The following EIF4G1 variants were observed in gnomAD, a reference collection of about 807,000 sequenced individuals.
EIF4G1 encodes eukaryotic translation initiation factor 4 gamma 1.
In EIF4G1, 4 loss-of-function variants were observed where a neutral mutation model predicts 187.8. The observed-to-expected ratio is 0.02, with a 90% CI of 0.01 to 0.05. EIF4G1 has a LOEUF of 0.05. Ranked by LOEUF, EIF4G1 falls within the 10% of genes least tolerant of loss-of-function variation. The pLI is 1.00. For synonymous variants in EIF4G1, 844 were observed against 781.4 expected, an observed-to-expected ratio of 1.08 and a Z score of -1.34; for missense variants, 1,647 against 2,081.1, an observed-to-expected ratio of 0.79 and a Z score of 4.06.
Position 184,327,212 on chromosome 3 carries a change from C to T in EIF4G1, c.3429-4C>T, listed in dbSNP as rs192000000. 48 of 1,612,526 alleles carry T rather than the reference C, an allele frequency of 3.0e-5. No homozygotes were observed. Among genetic ancestry groups the T allele is most frequent in the Non-Finnish European group, 3.8e-5 (45 of 1,180,044 alleles). On this transcript the variant is annotated splice_polypyrimidine_tract_variant and splice_region_variant and intron_variant, in intron 23 of 32. Coordinates refer to ENST00000346169, the MANE Select transcript of EIF4G1 (RefSeq NM_198241.3). ...GAGTGAAAATTTGTCTGTCTGTCTTCCAGGAGTAGCTTGAGCCGAGAACGA... is the reference window on the plus strand; with the variant it reads ...GAGTGAAAATTTGTCTGTCTGTCTTTCAGGAGTAGCTTGAGCCGAGAACGA...
intron 2 of EIF4G1, 80 bp from the exon 3 acceptor site, chr3:184,315,683 C>T (rs1476145898): frequency 9.3e-7 from 1 of 1,079,448 alleles, no homozygotes; most frequent in Non-Finnish European, 1.4e-6. Flanking sequence ...GGACCCAGCC[C>T]TTGCATCAAC....
intron 2 of EIF4G1, 73 bp from the exon 3 acceptor site, chr3:184,315,690 C>A: frequency 8.6e-7 from 1 of 1,163,644 alleles, no homozygotes; most frequent in Non-Finnish European, 1.3e-6. Context: ...GCCCTTGCAT[C>A]AACCCTTTCA....
Position 184,315,822 on chromosome 3 carries a change from G to GCCCCGC in EIF4G1, c.30_31insGCCCCC (p.Pro10_Pro11insAlaPro). On this transcript the variant is annotated inframe_insertion, in exon 3 of 33. Coordinates refer to ENST00000346169, the MANE Select transcript of EIF4G1 (RefSeq NM_198241.3). The stretch of plus-strand genomic sequence containing the variant: ...ATGAACAAAGCTCCACAGTCCACAG[G>GCCCCGC]CCCCCCACCCGCCCCATCCCCCGGA... 1.1e-5 allele frequency: 17 copies of GCCCCGC among 1,544,416 alleles called. No individual in the cohort carries two copies. Among genetic ancestry groups the GCCCCGC allele is most frequent in the African/African-American group, 1.4e-5 (1 of 72,986 alleles).
At position 184,334,913 on chromosome 3, in the gene EIF4G1, T is replaced by C. The variant is rs1454824904; in HGVS notation, c.*5T>C. 3 of 1,613,918 alleles carry C rather than the reference T, an allele frequency of 1.9e-6. No homozygotes were observed. The Admixed American group carries it at 5.0e-5, about 27-fold the overall frequency. ...GAGGAGTCTGACCACAACTGAGGGC[T>C]GGTGGGGCCGGGGACCTGGAGCCCC... On this transcript the variant is annotated 3_prime_UTR_variant, in exon 33 of 33. Coordinates refer to ENST00000346169, the MANE Select transcript of EIF4G1 (RefSeq NM_198241.3). The surrounding 1 kb of genome is among the most constrained non-coding windows in gnomAD (Gnocchi z 5.8).
Position 184,323,763 on chromosome 3 carries a change from G to C in EIF4G1, c.2275-17G>C. 1 of 1,613,164 alleles carries C rather than the reference G, an allele frequency of 6.2e-7. No individual in the cohort carries two copies. The highest frequency in any genetic ancestry group is 8.5e-7 in the Non-Finnish European group (1 of 1,180,022). ...TTCTGAGACCCTCACTGGAACTCTTGTCTCTTCTCCCTCCAGGACCTATTC... is the reference window on the plus strand; with the variant it reads ...TTCTGAGACCCTCACTGGAACTCTTCTCTCTTCTCCCTCCAGGACCTATTC... On this transcript the variant is annotated splice_polypyrimidine_tract_variant and intron_variant, in intron 15 of 32. Coordinates refer to ENST00000346169, the MANE Select transcript of EIF4G1 (RefSeq NM_198241.3). The surrounding 1 kb of genome is among the most constrained non-coding windows in gnomAD (Gnocchi z 6.9).
intron 6 of EIF4G1, among the ~76,000 whole-genome samples, chr3:184,318,635 C>T (rs1027861405): frequency 3.3e-5 from 5 of 152,144 alleles, no homozygotes; most frequent in East Asian, 1.9e-4. Context: ...GACGGAGTCT[C>T]GCTCTGTCAC....
chr3:184,324,372 C>T (rs1226320875), intron 17 of EIF4G1, 25 bp downstream of exon 17: 1 of 1,613,954 alleles, frequency 6.2e-7, no homozygotes, highest in African/African-American at 1.3e-5. Context: ...ACTATCGATT[C>T]CACTCACCAC....
Position 184,331,253 on chromosome 3 carries a change from T to G in EIF4G1, c.4162-13T>G. On this transcript the variant is annotated splice_polypyrimidine_tract_variant and intron_variant, in intron 28 of 32. Coordinates refer to ENST00000346169, the MANE Select transcript of EIF4G1 (RefSeq NM_198241.3). ...AGAGCTTTGGTAAGCTGGGTTGGTC[T>G]TGTGTTTTCCAGGGTCCTAAAAAGG... 6.2e-7 allele frequency: 1 copy of G among 1,614,128 alleles called. No homozygotes were observed. Among genetic ancestry groups the G allele is most frequent in the Non-Finnish European group, 8.5e-7 (1 of 1,180,002 alleles).
intron 4 of EIF4G1, chr3:184,316,801 C>G (rs1330005050): frequency 6.6e-7 from 1 of 1,509,994 alleles, no homozygotes; most frequent in African/African-American, 1.4e-5. Context: ...TAGTCAGGGG[C>G]TAGACACAGG....
chr3:184,315,816 C>T lies in EIF4G1; in HGVS notation c.20C>T (p.Ser7Phe). 2 of 1,551,580 alleles carry T rather than the reference C, an allele frequency of 1.3e-6. No individual in the cohort carries two copies. Residue 7 changes from serine to phenylalanine, a missense_variant, in exon 3 of 33, where the codon TCC (serine) becomes TTC (phenylalanine). By Grantham distance (155) the Ser-to-Phe change is radical (BLOSUM62 -2). This residue lies in a region of EIF4G1 where 61 missense variants were observed against 49.5 expected (regional missense o/e 1.23). Transcript: ENST00000346169. Reference sequence around the variant, plus strand: ...AATGAAATGAACAAAGCTCCACAGTCCACAGGCCCCCCACCCGCCCCATCC... The same window carrying T: ...AATGAAATGAACAAAGCTCCACAGTTCACAGGCCCCCCACCCGCCCCATCC... MNKAPQ[S>F]TGPPPAPSPG...
rs1403706847 is a variant in EIF4G1, at chr3:184,335,097, C to G, written c.*189C>G. The G allele has an allele frequency of 1.5e-6, 1 of 684,516 alleles. No individual in the cohort carries two copies. The highest frequency in any genetic ancestry group is 1.8e-5 in the African/African-American group (1 of 55,820). 42.4% of individuals were successfully genotyped at this position (684,516 alleles called of 1,614,324 possible). The stretch of plus-strand genomic sequence containing the variant: ...CCTGGGCCCCCCTCCAGGATGCCGC[C>G]AGGTGTCCCTCTCCTCCCCCTGGGG... On this transcript the variant is annotated 3_prime_UTR_variant, in exon 33 of 33. Transcript: ENST00000346169.
rs1284940157 is a variant in EIF4G1, at chr3:184,321,325, G to T, written c.741G>T (p.Leu247=). 3 of 1,614,030 alleles carry T rather than the reference G, an allele frequency of 1.9e-6. No homozygotes were observed. Among genetic ancestry groups the T allele is most frequent in the Non-Finnish European group, 2.5e-6 (3 of 1,180,028 alleles). The change falls in exon 10 of 33, where the codon CTG becomes CTT. Residue 247 remains leucine, a synonymous_variant. Coordinates refer to ENST00000346169, the MANE Select transcript of EIF4G1 (RefSeq NM_198241.3). ...CAATCATTGCTGACCGGCCAGGGCT[G>T]CCTGGCCCAGAGCATAGCCCTTCAG... is the stretch of plus-strand genomic sequence containing the variant. ...QGAIIADRPG[L]PGPEHSPSES...
intron 4 of EIF4G1, 151 bp from the exon 5 acceptor site, chr3:184,317,170 A>T (rs895973922): frequency 2.3e-6 from 2 of 878,904 alleles, no homozygotes; most frequent in Non-Finnish European, 3.8e-6. Context: ...GAAGCCGCTT[A>T]GCCATTTGGT....
chr3:184,326,976 G>C lies in EIF4G1; in HGVS notation c.3421G>C (p.Val1141Leu), dbSNP rs779222762. 25 of 1,614,218 alleles carry C rather than the reference G, an allele frequency of 1.5e-5. No homozygotes were observed. Among genetic ancestry groups the C allele is most frequent in the Non-Finnish European group, 2.1e-5 (25 of 1,180,046 alleles). ...PTESTDNRRV[V>L]QRSSLSRERG... ...AGAAAGCACAGATAATAGACGTGTG[G>C]TGCAGAGGTGAGGTTTCCTGGACAT... Residue 1141 changes from valine to leucine, a missense_variant, in exon 23 of 33, where the codon GTG (valine) becomes CTG (leucine). Val to Leu is a conservative substitution (Grantham distance 32). Around this residue, in one of 11 missense-constraint regions of EIF4G1, gnomAD observed 543 missense variants for 638.0 expected, o/e 0.85. Transcript: ENST00000346169.
rs367703618 is a variant in EIF4G1 at position 184,319,672 on chromosome 3, G to A, written c.425-17G>A. 27 of 1,507,978 alleles carry A rather than the reference G, an allele frequency of 1.8e-5. No individual in the cohort carries two copies. Among genetic ancestry groups the A allele is most frequent in the African/African-American group, 1.6e-4 (12 of 72,862 alleles). 93.4% of individuals were successfully genotyped at this position (1,507,978 alleles called of 1,614,324 possible). ...CCTGACGCTACCACCATTCTTCTCC[G>A]TCCCCCCTCCCCCAAGCTGGCGCCT... On this transcript the variant is annotated splice_polypyrimidine_tract_variant and intron_variant, in intron 6 of 32. Transcript: ENST00000346169.
chr3:184,322,524 TG>T lies in EIF4G1; in HGVS notation c.1609-18del. ...GCAGTGGTCATTCTGCAACCAAAAC[TG>T]GATGTTCTGTTGTTCTAGGCGAACC... On this transcript the variant is annotated intron_variant, in intron 11 of 32. Transcript: ENST00000346169. 1 of 1,614,032 alleles carries T rather than the reference TG, an allele frequency of 6.2e-7. No individual in the cohort carries two copies. The highest frequency in any genetic ancestry group is 8.5e-7 in the Non-Finnish European group (1 of 1,180,002).
intron 9 of EIF4G1, 69 bp downstream of exon 9, chr3:184,321,062 G>T: frequency 6.4e-7 from 1 of 1,572,434 alleles, no homozygotes; most frequent in South Asian, 1.1e-5. Context: ...CTGAGGTGGT[G>T]GAGTGACTTG....
At chr3:184,316,803 A>G (rs1466499795) in intron 4 of EIF4G1, 10 of 1,498,808 alleles carry the variant, frequency 6.7e-6, no homozygotes, top group Non-Finnish European at 9.1e-6. Flanking sequence ...GTCAGGGGCT[A>G]GACACAGGGA....
chr3:184,330,976 G>A (rs1193256338), intron 28 of EIF4G1, among the ~76,000 whole-genome samples: 1 of 152,158 alleles, frequency 6.6e-6, no homozygotes, highest in Non-Finnish European at 1.5e-5. Flanking sequence ...CTGACCTCAG[G>A]TGATCCGCCC....
Sources: allele counts gnomAD v4.1 joint callset (sites outside exome capture counted in the v4.1 genomes callset), GRCh38; gene constraint gnomAD v4.1.1; regional missense constraint gnomAD v4.1.1; non-coding constraint Gnocchi (gnomAD v3.1); transcripts MANE v1.5; gene names NCBI Gene and HGNC (gene_info 2026-07-23, HGNC 2026-07-21).